Variants in SPTA1 observed in about 807,000 individuals in gnomAD.
SPTA1 encodes spectrin alpha, erythrocytic 1, also known as spectrin alpha chain, erythrocytic 1.
Under a neutral mutation model 324.7 loss-of-function variants are expected in SPTA1, and 177 were observed. The observed-to-expected ratio is 0.55, with a 90% confidence interval of 0.48 to 0.62. SPTA1 has a LOEUF of 0.62. Among genes scored for constraint, SPTA1 ranks in the 20% least tolerant of loss-of-function variants. SPTA1 has a pLI of 0.00. For synonymous variants in SPTA1, 1,195 were observed against 1,041.3 expected (o/e 1.15, Z -2.84); for missense variants, 3,162 against 2,883.6 (o/e 1.10, Z -2.21).
rs745769110 is a variant in SPTA1, at chr1:158,661,347, C to T, written c.2527G>A (p.Ala843Thr). The change falls in exon 18 of 52, where the codon GCC (alanine) becomes ACC (threonine). Residue 843 changes from alanine (A) to threonine (T), a missense_variant. Ala to Thr is a moderately conservative substitution (Grantham distance 58). Transcript: ENST00000643759. Reference sequence around the variant, plus strand: ...TCTTGAATGCGTGGTTCATGGCTGGCAATGTTCTCCAGGATGACTCTATGC... The same window carrying T: ...TCTTGAATGCGTGGTTCATGGCTGGTAATGTTCTCCAGGATGACTCTATGC... ...NRHRVILENI[A>T]SHEPRIQEIT... is the part of the protein sequence containing the mutation. 1 of 1,613,900 alleles carries T rather than the reference C, an allele frequency of 6.2e-7. No homozygotes were observed. The highest frequency in any genetic ancestry group is 1.3e-5 in the African/African-American group (1 of 74,978).
intron 43 of SPTA1, 177 bp from the exon 44 acceptor site, chr1:158,620,643 G>T: frequency 4.3e-6 from 3 of 697,146 alleles, no homozygotes; most frequent in East Asian, 5.5e-5. Flanking sequence ...GTGAGTTAGC[G>T]GTACGAGCCC....
At chr1:158,681,742 A>G in intron 3 of SPTA1, 75 bp from the exon 4 acceptor site, 2 of 1,594,138 alleles carry the variant, frequency 1.3e-6, no homozygotes, top group Non-Finnish European at 1.7e-6. Context: ...TTGTGCAGAA[A>G]GAGACCTGGA....
intron 8 of SPTA1, 43 bp downstream of exon 8, chr1:158,676,098 C>T (rs756965651): frequency 6.2e-7 from 1 of 1,611,844 alleles, no homozygotes; most frequent in Non-Finnish European, 8.5e-7. Flanking sequence ...ATATCTGGGC[C>T]CTGTAGAGAT....
At chr1:158,634,743 T>C in intron 38 of SPTA1, 68 bp from the exon 39 acceptor site, 2 of 1,587,298 alleles carry the variant, frequency 1.3e-6, no homozygotes, top group Non-Finnish European at 1.7e-6. Flanking sequence ...TACAGTGGGG[T>C]GGCACAATCT....
intron 17 of SPTA1, 63 bp from the exon 18 acceptor site, chr1:158,661,472 C>A: frequency 1.2e-6 from 2 of 1,609,506 alleles, no homozygotes; most frequent in Non-Finnish European, 1.7e-6. Flanking sequence ...GCATACCTCA[C>A]TTTTTTAGAA....
At position 158,662,911 on chromosome 1, in the gene SPTA1, T is replaced by C; in HGVS notation, c.2255A>G (p.Tyr752Cys). 6.2e-7 allele frequency: 1 copy of C among 1,614,022 alleles called. No homozygotes were observed. Among genetic ancestry groups the C allele is most frequent in the Non-Finnish European group, 8.5e-7 (1 of 1,179,960 alleles). Residue 752 changes from tyrosine to cysteine, a missense_variant, in exon 17 of 52, where the codon TAT becomes TGT. Physicochemically the swap from Tyr to Cys is radical, Grantham distance 194 (BLOSUM62 -2). Transcript: ENST00000643759. The part of the protein sequence containing the change: ...QVDILTDLAA[Y>C]FEEIGHPDSK... ...ATCAGGATGGCCTATTTCTTCAAAA[T>C]ATGCAGCCAGGTCTGTAAGGATATC...
At position 158,639,923 on chromosome 1, in the gene SPTA1, G is replaced by A. The variant is rs1279138950; in HGVS notation, c.4822C>T (p.Arg1608Cys). 7 of 1,613,778 alleles carry A rather than the reference G, an allele frequency of 4.3e-6. No individual in the cohort carries two copies. The highest frequency in any genetic ancestry group is 2.2e-5 in the East Asian group (1 of 44,884). Residue 1608 changes from arginine to cysteine, a missense_variant, in exon 34 of 52, where the codon CGT becomes TGT. Arg to Cys is a radical substitution (Grantham distance 180). Coordinates refer to ENST00000643759, the MANE Select transcript of SPTA1 (RefSeq NM_003126.4). ...ATGCTTGTGTTGAACCTCTGTTGAC[G>A]ACTGGCCTCATTGAGCTTCTTCCCT... is the stretch of plus-strand genomic sequence containing the variant. ...DKGKKLNEASRQQRFNTSIRD... is the reference protein window; with the variant it reads ...DKGKKLNEASCQQRFNTSIRD...
At chr1:158,662,434 T>C (rs1215150531) in intron 17 of SPTA1, among the ~76,000 whole-genome samples, 1 of 152,190 alleles carries the variant, frequency 6.6e-6, no homozygotes, top group Non-Finnish European at 1.5e-5. Flanking sequence ...ACCTTCACAG[T>C]TTTAGAGCAC....
At chr1:158,662,376 TA>T (rs1402846788) in intron 17 of SPTA1, among the ~76,000 whole-genome samples, 1 of 152,158 alleles carries the variant, frequency 6.6e-6, no homozygotes, top group Non-Finnish European at 1.5e-5. Context: ...AGCTACAGCC[TA>T]AACACAAACA....
intron 35 of SPTA1, 45 bp downstream of exon 35, chr1:158,639,537 A>T (rs772727456): frequency 6.3e-7 from 1 of 1,593,402 alleles, no homozygotes. Flanking sequence ...AGAGCCAGAA[A>T]TATTTCTATT....
At chr1:158,627,518 CATAT>C in intron 40 of SPTA1, 103 bp downstream of exon 40, 1 of 1,074,252 alleles carries the variant, frequency 9.3e-7, no homozygotes, top group Admixed American at 1.7e-5. Flanking sequence ...TAAAGTTCTG[CATAT>C]GATCTTAGCA....
In SPTA1 at chr1:158,669,616, G is replaced by A. The variant is rs568813968; in HGVS notation, c.1678-53C>T. 79 of 1,614,022 alleles carry A rather than the reference G, an allele frequency of 4.9e-5. No individual in the cohort carries two copies. In the African/African-American group the frequency reaches 9.3e-4, roughly 19 times the overall value. On this transcript the variant is annotated intron_variant, in intron 13 of 51. Transcript: ENST00000643759. ...TCAGCACAACCAAATATGGACATGT[G>A]AGATTCGCTGACCACCCTGGTCACC...
chr1:158,667,809 G>A, intron 15 of SPTA1, 49 bp downstream of exon 15: 2 of 1,585,208 alleles, frequency 1.3e-6, no homozygotes, highest in Non-Finnish European at 8.6e-7. Flanking sequence ...AAAGGTAGTA[G>A]ATTTCAGAAT....
intron 47 of SPTA1, among the ~76,000 whole-genome samples, chr1:158,615,804 A>G (rs1030531437): frequency 9.9e-5 from 15 of 152,222 alleles, no homozygotes; most frequent in African/African-American, 3.4e-4. Context: ...AATGGCTCAC[A>G]GTGATCTGCA....
chr1:158,670,439 T>A (rs896042547), intron 12 of SPTA1, among the ~76,000 whole-genome samples: 12 of 152,224 alleles, frequency 7.9e-5, no homozygotes, highest in African/African-American at 2.7e-4. Context: ...GACACACATA[T>A]CAATTAATGA....
At chr1:158,617,159 G>A (rs1649608313) in intron 47 of SPTA1, among the ~76,000 whole-genome samples, 2 of 152,148 alleles carry the variant, frequency 1.3e-5, no homozygotes, top group South Asian at 4.1e-4. Context: ...AAATTTGCCA[G>A]TGTTGGGCAC....
At position 158,648,623 on chromosome 1, in the gene SPTA1, C is replaced by T. The variant is rs1192643955; in HGVS notation, c.3600G>A (p.Glu1200=). The change falls in exon 26 of 52, where the codon GAG becomes GAA. Residue 1200 remains glutamate, a synonymous_variant. Coordinates refer to ENST00000643759, the MANE Select transcript of SPTA1 (RefSeq NM_003126.4). ...READDTKEQI[E]KKCQALSAAD... is the part of the protein sequence containing the mutation. The stretch of plus-strand genomic sequence containing the variant: ...CAGCACTGAGGGCCTGGCATTTCTT[C>T]TCAATCTGCTCCTTCGTGTCATCTG... 7 of 1,613,938 alleles carry T rather than the reference C, an allele frequency of 4.3e-6. No homozygotes were observed. The highest frequency in any genetic ancestry group is 3.3e-5 in the Admixed American group (2 of 59,986).
intron 10 of SPTA1, among the ~76,000 whole-genome samples, chr1:158,673,114 C>G (rs1654144028): frequency 6.6e-6 from 1 of 152,036 alleles, no homozygotes; most frequent in African/African-American, 2.4e-5. Flanking sequence ...GAGTGATACT[C>G]TGTCAACAAC....
In SPTA1 at chr1:158,654,709, G is replaced by T. The variant is rs539524312; in HGVS notation, c.2938C>A (p.Gln980Lys). The T allele has an allele frequency of 6.2e-7, 1 of 1,613,854 alleles. No homozygotes were observed. Among genetic ancestry groups the T allele is most frequent in the South Asian group, 1.1e-5 (1 of 91,060 alleles). The change falls in exon 21 of 52, where the codon CAA (glutamine) becomes AAA (lysine). Residue 980 changes from glutamine (Q) to lysine (K), a missense_variant. By Grantham distance (53) the Gln-to-Lys change is moderately conservative. Coordinates refer to ENST00000643759, the MANE Select transcript of SPTA1 (RefSeq NM_003126.4). ...AAGTCATATAAAGCCATGACCCTTT[G>T]TTCTCCAGCAACTCCCTCCACTGGT... Reference protein sequence around the residue: ...AAPVEGVAGEQRVMALYDFQA... With the variant: ...AAPVEGVAGEKRVMALYDFQA...
Sources: allele counts gnomAD v4.1 joint callset (sites outside exome capture counted in the v4.1 genomes callset), GRCh38; gene constraint gnomAD v4.1.1; transcripts MANE v1.5; gene names NCBI Gene and HGNC (gene_info 2026-07-23, HGNC 2026-07-21).